Variants in AQP10 observed in about 807,000 individuals in gnomAD.
The protein encoded by AQP10 is aquaporin-10.
In AQP10, 15 loss-of-function variants were observed where a neutral mutation model predicts 21.0. The ratio of observed to expected loss-of-function variants is 0.71; its 90% confidence interval spans 0.48 to 1.10. AQP10 has a LOEUF of 1.10. Ranked by LOEUF, AQP10 falls within the 50% of genes least tolerant of loss-of-function variation. AQP10 has a pLI of 0.00. For synonymous variants in AQP10, 143 were observed against 155.7 expected, an observed-to-expected ratio of 0.92 and a Z score of 0.61; for missense variants, 268 against 379.5, an observed-to-expected ratio of 0.71 and a Z score of 2.44.
Position 154,323,971 on chromosome 1 carries a change from C to T in AQP10, c.707+165C>T, listed in dbSNP as rs917311071. On this transcript the variant is annotated intron_variant, in intron 5 of 5. Transcript: ENST00000324978. The surrounding 1 kb of genome is among the most constrained non-coding windows in gnomAD (Gnocchi z 4.5). ...CCCCCTTTCTCCCTTGCTTCCCTCCCAACTTTTCACTGAAACAGTAAGATT... is the reference window on the plus strand; with the variant it reads ...CCCCCTTTCTCCCTTGCTTCCCTCCTAACTTTTCACTGAAACAGTAAGATT... The T allele has an allele frequency of 3.9e-5, 57 of 1,455,854 alleles. No individual in the cohort carries two copies. Among genetic ancestry groups the T allele is most frequent in the East Asian group, 5.0e-5 (2 of 40,152 alleles). The allele number at this position is 1,455,854 out of a possible 1,614,324, so 90.2% of individuals were successfully genotyped here.
In AQP10 at chr1:154,323,404, C is replaced by A. The variant is rs758771450; in HGVS notation, c.489+45C>A. 3.3e-5 allele frequency: 52 copies of A among 1,576,458 alleles called. No individual in the cohort carries two copies. The Admixed American group carries it at 8.5e-4, about 26-fold the overall frequency. On this transcript the variant is annotated intron_variant, in intron 4 of 5. Coordinates refer to ENST00000324978, the MANE Select transcript of AQP10 (RefSeq NM_080429.3). The surrounding 1 kb of genome is among the most constrained non-coding windows in gnomAD (Gnocchi z 4.5). ...CTGGGGACACTACTTTGGTCCTGTT[C>A]CTCGGCACCCCAGCCTATTGTTCAG...
At position 154,324,449 on chromosome 1, in the gene AQP10, C is replaced by A. The variant is rs141365858; in HGVS notation, c.875C>A (p.Ala292Asp). The change falls in exon 6 of 6, where the codon GCC becomes GAC. Residue 292 changes from alanine (A) to aspartate (D), a missense_variant. By Grantham distance (126) the Ala-to-Asp change is moderately radical. Transcript: ENST00000324978. Reference protein sequence around the residue: ...QHKASELETPASAQMLECKL With the variant: ...QHKASELETPDSAQMLECKL Reference sequence around the variant, plus strand: ...AAAGCCTCAGAGTTGGAAACTCCTGCCTCAGCTCAGATGCTGGAGTGTAAG... The same window carrying A: ...AAAGCCTCAGAGTTGGAAACTCCTGACTCAGCTCAGATGCTGGAGTGTAAG... The A allele has an allele frequency of 2.0e-3, 3,247 of 1,613,696 alleles. 6 individuals carry two copies. The highest frequency in any genetic ancestry group is 2.0e-3 in the Non-Finnish European group (2,345 of 1,179,960).
In AQP10 at chr1:154,323,987, C is replaced by T. The variant is rs950137476; in HGVS notation, c.707+181C>T. 4.8e-6 allele frequency: 7 copies of T among 1,451,542 alleles called. No individual in the cohort carries two copies. The South Asian group carries it at 8.8e-5, about 18-fold the overall frequency. 89.9% of individuals were successfully genotyped at this position (1,451,542 alleles called of 1,614,324 possible). On this transcript the variant is annotated intron_variant, in intron 5 of 5. Coordinates refer to ENST00000324978, the MANE Select transcript of AQP10 (RefSeq NM_080429.3). The surrounding 1 kb of genome is among the most constrained non-coding windows in gnomAD (Gnocchi z 4.5). ...CTTCCCTCCCAACTTTTCACTGAAA[C>T]AGTAAGATTTAGAGGTTGTGTTCTT... is the stretch of plus-strand genomic sequence containing the variant.
At chr1:154,321,876 C>G in intron 1 of AQP10, 57 bp from the exon 2 acceptor site, 2 of 1,606,398 alleles carry the variant, frequency 1.2e-6, no homozygotes, top group South Asian at 2.2e-5. Context: ...CCTTCCCAAC[C>G]TTTCTCCCTG....
chr1:154,323,562 G>A lies in AQP10; in HGVS notation c.490-27G>A. 1 of 1,602,266 alleles carries A rather than the reference G, an allele frequency of 6.2e-7. No individual in the cohort carries two copies. The highest frequency in any genetic ancestry group is 8.5e-7 in the Non-Finnish European group (1 of 1,171,110). On this transcript the variant is annotated intron_variant, in intron 4 of 5. Transcript: ENST00000324978. The surrounding 1 kb of genome is among the most constrained non-coding windows in gnomAD (Gnocchi z 4.5). ...GATGGAGCACCTGGCAGCTGACAGG[G>A]AACCCTCTGCCTCTGTTGACTCCAA... is the stretch of plus-strand genomic sequence containing the variant.
At position 154,323,926 on chromosome 1, in the gene AQP10, C is replaced by A; in HGVS notation, c.707+120C>A. The A allele has an allele frequency of 1.3e-6, 2 of 1,495,498 alleles. No homozygotes were observed. Among genetic ancestry groups the A allele is most frequent in the South Asian group, 2.7e-5 (2 of 75,226 alleles). The allele number at this position is 1,495,498 out of a possible 1,614,324, so 92.6% of individuals were successfully genotyped here. ...TCTCTTGGCTTCTTAGGACAGTGTT[C>A]TTTCTCCAAGTCATATTCTCCCCCT... On this transcript the variant is annotated intron_variant, in intron 5 of 5. Coordinates refer to ENST00000324978, the MANE Select transcript of AQP10 (RefSeq NM_080429.3). This position sits in a 1 kb window ranked among gnomAD's most constrained non-coding sequence, Gnocchi z 4.5.
At position 154,323,284 on chromosome 1, in the gene AQP10, C is replaced by A. The variant is rs747142402; in HGVS notation, c.414C>A (p.Gly138=). 1.9e-6 allele frequency: 3 copies of A among 1,614,204 alleles called. No individual in the cohort carries two copies. The highest frequency in any genetic ancestry group is 2.5e-6 in the Non-Finnish European group (3 of 1,180,034). The change falls in exon 4 of 6, where the codon GGC becomes GGA. Residue 138 remains glycine, a synonymous_variant. Coordinates refer to ENST00000324978, the MANE Select transcript of AQP10 (RefSeq NM_080429.3). The surrounding 1 kb of genome is among the most constrained non-coding windows in gnomAD (Gnocchi z 4.5). ...CAGGTGGGAACCTGACAGTGACTGGCCCCAAGGAGACAGCCTCCATTTTTG... is the reference window on the plus strand; with the variant it reads ...CAGGTGGGAACCTGACAGTGACTGGACCCAAGGAGACAGCCTCCATTTTTG... ...NYTGGNLTVT[G]PKETASIFAT...
chr1:154,323,050 C>T lies in AQP10; in HGVS notation c.301C>T (p.Pro101Ser). Residue 101 changes from proline (P) to serine (S), a missense_variant, in exon 3 of 6, where the codon CCC becomes TCC. Physicochemically the swap from Pro to Ser is moderately conservative, Grantham distance 74 (BLOSUM62 -1). Coordinates refer to ENST00000324978, the MANE Select transcript of AQP10 (RefSeq NM_080429.3). This position sits in a 1 kb window ranked among gnomAD's most constrained non-coding sequence, Gnocchi z 4.5. ...TGGACGCCTCCCCTGGGTCAAGCTC[C>T]CCATTTACATCTTGGTGCAGTTGCT... The part of the protein sequence containing the change: ...IVGRLPWVKL[P>S]IYILVQLLSA... The T allele has an allele frequency of 2.5e-6, 4 of 1,614,194 alleles. No individual in the cohort carries two copies. Among genetic ancestry groups the T allele is most frequent in the African/African-American group, 1.3e-5 (1 of 75,046 alleles).
intron 2 of AQP10, 64 bp downstream of exon 2, chr1:154,322,123 T>C (rs542610787): frequency 1.2e-5 from 19 of 1,597,446 alleles, no homozygotes; most frequent in Admixed American, 6.9e-5. Flanking sequence ...GTCTGTCTGG[T>C]GATGGTGGAA....
Position 154,321,248 on chromosome 1 carries a change from G to A in AQP10, c.93G>A (p.Val31=), listed in dbSNP as rs1685635431. The A allele has an allele frequency of 6.2e-7, 1 of 1,613,002 alleles. No homozygotes were observed. Among genetic ancestry groups the A allele is most frequent in the Non-Finnish European group, 8.5e-7 (1 of 1,179,606 alleles). ...ARQCLAEFLG[V]FVLMLLTQGA... is the part of the protein sequence containing the mutation. Reference sequence around the variant, plus strand: ...AGTGCCTGGCAGAGTTTCTGGGTGTGTTTGTACTCATGGTAGGTAGGATCA... The same window carrying A: ...AGTGCCTGGCAGAGTTTCTGGGTGTATTTGTACTCATGGTAGGTAGGATCA... Residue 31 remains valine, a synonymous_variant, in exon 1 of 6, where the codon GTG becomes GTA. Transcript: ENST00000324978.
In AQP10 at chr1:154,323,841, T is replaced by C; in HGVS notation, c.707+35T>C. ...AGACTCTCCTGGTGCTGGCCTCCACTCACCTTCCTCTGCTAAGGGCTCTGT... is the reference window on the plus strand; with the variant it reads ...AGACTCTCCTGGTGCTGGCCTCCACCCACCTTCCTCTGCTAAGGGCTCTGT... On this transcript the variant is annotated intron_variant, in intron 5 of 5. Coordinates refer to ENST00000324978, the MANE Select transcript of AQP10 (RefSeq NM_080429.3). This position sits in a 1 kb window ranked among gnomAD's most constrained non-coding sequence, Gnocchi z 4.5. 6.2e-7 allele frequency: 1 copy of C among 1,607,450 alleles called. No homozygotes were observed. The highest frequency in any genetic ancestry group is 8.5e-7 in the Non-Finnish European group (1 of 1,176,846).
intron 5 of AQP10, chr1:154,324,034 T>C (rs1558264768): frequency 7.2e-7 from 1 of 1,397,604 alleles, no homozygotes; most frequent in Non-Finnish European, 9.4e-7. Flanking sequence ...ATTACTTCCA[T>C]GCACATTAGT....
rs748737991 is a variant in AQP10 at position 154,322,989 on chromosome 1, C to T, written c.240C>T (p.His80=). Residue 80 remains histidine (H), a synonymous_variant, in exon 3 of 6, where the codon CAC becomes CAT. Coordinates refer to ENST00000324978, the MANE Select transcript of AQP10 (RefSeq NM_080429.3). The stretch of plus-strand genomic sequence containing the variant: ...TTTCCTTGATACTTGAAGGGGCCCA[C>T]CTGAATCCAGCCTTCTCCCTGGCCA... ...IYVGGNVSGA[H]LNPAFSLAMC... 6.2e-7 allele frequency: 1 copy of T among 1,614,210 alleles called. No homozygotes were observed. Among genetic ancestry groups the T allele is most frequent in the South Asian group, 1.1e-5 (1 of 91,078 alleles).
In AQP10 at chr1:154,323,265, G is replaced by A; in HGVS notation, c.395G>A (p.Gly132Glu). Residue 132 changes from glycine to glutamate, a missense_variant, in exon 4 of 6, where the codon GGG becomes GAG. Physicochemically the swap from Gly to Glu is moderately conservative, Grantham distance 98. This residue lies in a region of AQP10 where 229 missense variants were observed against 295.1 expected (regional missense o/e 0.78). Transcript: ENST00000324978. This position sits in a 1 kb window ranked among gnomAD's most constrained non-coding sequence, Gnocchi z 4.5. ...GATGCCCTACAGAACTATACAGGTG[G>A]GAACCTGACAGTGACTGGCCCCAAG... The part of the protein sequence containing the change: ...YHDALQNYTG[G>E]NLTVTGPKET... 6.2e-7 allele frequency: 1 copy of A among 1,614,138 alleles called. No individual in the cohort carries two copies. Among genetic ancestry groups the A allele is most frequent in the Non-Finnish European group, 8.5e-7 (1 of 1,180,018 alleles).
Position 154,323,429 on chromosome 1 carries a change from G to A in AQP10, c.489+70G>A. 1 of 1,540,936 alleles carries A rather than the reference G, an allele frequency of 6.5e-7. No homozygotes were observed. The highest frequency in any genetic ancestry group is 8.9e-7 in the Non-Finnish European group (1 of 1,120,688). ...CCTCGGCACCCCAGCCTATTGTTCA[G>A]TCTCTGGGTGGAGTGTGGGTTGGGT... On this transcript the variant is annotated intron_variant, in intron 4 of 5. Transcript: ENST00000324978. This position sits in a 1 kb window ranked among gnomAD's most constrained non-coding sequence, Gnocchi z 4.5.
chr1:154,323,276 G>A lies in AQP10; in HGVS notation c.406G>A (p.Val136Met). The A allele has an allele frequency of 6.2e-7, 1 of 1,614,214 alleles. No homozygotes were observed. The highest frequency in any genetic ancestry group is 8.5e-7 in the Non-Finnish European group (1 of 1,180,030). ...LQNYTGGNLT[V>M]TGPKETASIF... is the part of the protein sequence containing the mutation. The stretch of plus-strand genomic sequence containing the variant: ...GAACTATACAGGTGGGAACCTGACA[G>A]TGACTGGCCCCAAGGAGACAGCCTC... The change falls in exon 4 of 6, where the codon GTG becomes ATG. Residue 136 changes from valine (V) to methionine (M), a missense_variant. Physicochemically the swap from Val to Met is conservative, Grantham distance 21. This residue lies in a region of AQP10 where 229 missense variants were observed against 295.1 expected (regional missense o/e 0.78). Coordinates refer to ENST00000324978, the MANE Select transcript of AQP10 (RefSeq NM_080429.3). The surrounding 1 kb of genome is among the most constrained non-coding windows in gnomAD (Gnocchi z 4.5).
At position 154,323,554 on chromosome 1, in the gene AQP10, C is replaced by G; in HGVS notation, c.490-35C>G. The G allele has an allele frequency of 6.3e-7, 1 of 1,595,658 alleles. No homozygotes were observed. Among genetic ancestry groups the G allele is most frequent in the Non-Finnish European group, 8.6e-7 (1 of 1,166,460 alleles). On this transcript the variant is annotated intron_variant, in intron 4 of 5. Coordinates refer to ENST00000324978, the MANE Select transcript of AQP10 (RefSeq NM_080429.3). The surrounding 1 kb of genome is among the most constrained non-coding windows in gnomAD (Gnocchi z 4.5). The stretch of plus-strand genomic sequence containing the variant: ...AGAGGGCAGATGGAGCACCTGGCAG[C>G]TGACAGGGAACCCTCTGCCTCTGTT...
rs1416851138 is a variant in AQP10 at position 154,323,290 on chromosome 1, G to A, written c.420G>A (p.Lys140=). 2 of 1,614,196 alleles carry A rather than the reference G, an allele frequency of 1.2e-6. No homozygotes were observed. The highest frequency in any genetic ancestry group is 1.7e-5 in the Admixed American group (1 of 60,026). ...GGAACCTGACAGTGACTGGCCCCAAGGAGACAGCCTCCATTTTTGCCACCT... is the reference window on the plus strand; with the variant it reads ...GGAACCTGACAGTGACTGGCCCCAAAGAGACAGCCTCCATTTTTGCCACCT... ...TGGNLTVTGP[K]ETASIFATYP... is the part of the protein sequence containing the mutation. The change falls in exon 4 of 6, where the codon AAG becomes AAA. Residue 140 remains lysine (K), a synonymous_variant. Coordinates refer to ENST00000324978, the MANE Select transcript of AQP10 (RefSeq NM_080429.3). The surrounding 1 kb of genome is among the most constrained non-coding windows in gnomAD (Gnocchi z 4.5).
chr1:154,323,964 T>C lies in AQP10; in HGVS notation c.707+158T>C. 1.4e-6 allele frequency: 2 copies of C among 1,460,190 alleles called. No homozygotes were observed. The highest frequency in any genetic ancestry group is 2.9e-5 in the South Asian group (2 of 69,134). 90.5% of individuals were successfully genotyped at this position (1,460,190 alleles called of 1,614,324 possible). A position where few individuals can be genotyped will look rare whatever the true frequency, so the allele number is the denominator to read the frequency against. On this transcript the variant is annotated intron_variant, in intron 5 of 5. Transcript: ENST00000324978. This position sits in a 1 kb window ranked among gnomAD's most constrained non-coding sequence, Gnocchi z 4.5. ...ATATTCTCCCCCTTTCTCCCTTGCT[T>C]CCCTCCCAACTTTTCACTGAAACAG...
Sources: gnomAD v4.1 joint callset for allele counts on GRCh38, gnomAD v4.1.1 for gene constraint, gnomAD v4.1.1 regional missense constraint, Gnocchi (gnomAD v3.1) non-coding constraint, MANE v1.5 for transcripts, NCBI Gene and HGNC (gene_info 2026-07-23, HGNC 2026-07-21) for gene names.